The following CMIP variants were observed in gnomAD, a reference collection of about 807,000 sequenced individuals.
The protein encoded by CMIP is c-Maf inducing protein, also known as C-Maf-inducing protein.
CMIP carries 13 observed loss-of-function variants against 97.3 expected under a neutral mutation model. That is an observed-to-expected ratio of 0.13 (90% CI 0.09 to 0.21). The LOEUF (loss-of-function observed/expected upper bound fraction) is 0.21. Ranked by LOEUF, CMIP falls within the 10% of genes least tolerant of loss-of-function variation. The pLI is 1.00. For missense variants in CMIP, 847 were observed against 1,024.9 expected, an observed-to-expected ratio of 0.83 and a Z score of 2.37; for synonymous variants, 538 against 436.3, an observed-to-expected ratio of 1.23 and a Z score of -2.91.
intron 4 of CMIP, among the ~76,000 whole-genome samples, chr16:81,654,419 C>G (rs1420554026): frequency 6.6e-6 from 1 of 152,164 alleles, no homozygotes; most frequent in Admixed American, 6.5e-5. Context: ...GTAAAAATCT[C>G]AAAGGCAGCT....
intron 1 of CMIP, among the ~76,000 whole-genome samples, chr16:81,604,483 A>C (rs940557290): frequency 9.2e-5 from 14 of 151,588 alleles, no homozygotes; most frequent in African/African-American, 3.2e-4. Flanking sequence ...GTGGATCACA[A>C]GGTCAGGAGT....
At chr16:81,538,298 G>T (rs2090384923) in intron 1 of CMIP, among the ~76,000 whole-genome samples, 1 of 152,168 alleles carries the variant, frequency 6.6e-6, no homozygotes, top group Non-Finnish European at 1.5e-5. Flanking sequence ...TAAGACATAG[G>T]CGGCCCCCGG....
Position 81,671,892 on chromosome 16 carries a change from C to G in CMIP, c.930-74C>G, listed in dbSNP as rs1371922942. 3.0e-5 allele frequency: 22 copies of G among 730,780 alleles called. No individual in the cohort carries two copies. In the East Asian group the frequency reaches 6.0e-4, roughly 20 times the overall value. 45.3% of individuals were successfully genotyped at this position (730,780 alleles called of 1,614,324 possible). A position where few individuals can be genotyped will look rare whatever the true frequency, so the allele number is the denominator to read the frequency against. The stretch of plus-strand genomic sequence containing the variant: ...CAGCCCCGTGCCTGAGCAACGCCCT[C>G]CCTTTCCCCCCTTACCCTGTCCATG... On this transcript the variant is annotated intron_variant, in intron 8 of 20. Coordinates refer to ENST00000537098, the MANE Select transcript of CMIP (RefSeq NM_198390.3).
At chr16:81,604,575 C>T (rs534481975) in intron 1 of CMIP, among the ~76,000 whole-genome samples, 3 of 152,128 alleles carry the variant, frequency 2.0e-5, no homozygotes, top group South Asian at 4.2e-4. Context: ...GTGGCAGGCG[C>T]CTGTAATCTC....
At chr16:81,585,426 A>G (rs1483941854) in intron 1 of CMIP, among the ~76,000 whole-genome samples, 3 of 152,230 alleles carry the variant, frequency 2.0e-5, no homozygotes, top group Non-Finnish European at 4.4e-5. Flanking sequence ...CTAGTTCCAC[A>G]ATATTCTCAT....
chr16:81,528,943 G>T (rs1268262437), intron 1 of CMIP, among the ~76,000 whole-genome samples: 4 of 151,864 alleles, frequency 2.6e-5, no homozygotes, highest in African/African-American at 9.7e-5. Context: ...ACCAGTCCAT[G>T]CACCCACCCG....
At chr16:81,566,154 T>C (rs774979512) in intron 1 of CMIP, among the ~76,000 whole-genome samples, 12 of 152,186 alleles carry the variant, frequency 7.9e-5, no homozygotes, top group Non-Finnish European at 1.8e-4. Context: ...TGCTTCAGAT[T>C]GGAGGCTGCC....
At position 81,554,327 on chromosome 16, in the gene CMIP, G is replaced by T. The variant is rs375121584; in HGVS notation, c.301-53240G>T. Among the ~76,000 whole-genome samples, 34 of 152,336 alleles carry T rather than the reference G, an allele frequency of 2.2e-4. 1 individual carries two copies. Among genetic ancestry groups the T allele is most frequent in the Middle Eastern group, 6.8e-3 (2 of 294 alleles). On this transcript the variant is annotated intron_variant, in intron 1 of 20. Coordinates refer to ENST00000537098, the MANE Select transcript of CMIP (RefSeq NM_198390.3). ...TATTCTCTATCTGAGCTCATTTAAT[G>T]CAAGGAGAAGCTAAGGAGCAGAAAG...
chr16:81,576,757 G>C (rs2091196249), intron 1 of CMIP, among the ~76,000 whole-genome samples: 1 of 152,176 alleles, frequency 6.6e-6, no homozygotes, highest in Non-Finnish European at 1.5e-5. Flanking sequence ...ATCCAGGTGT[G>C]AGTCCCACTC....
At chr16:81,583,087 G>T (rs2091323276) in intron 1 of CMIP, among the ~76,000 whole-genome samples, 2 of 152,246 alleles carry the variant, frequency 1.3e-5, no homozygotes, top group South Asian at 2.1e-4. Context: ...AAAGGGCCTT[G>T]GCACTCAGAG....
intron 1 of CMIP, among the ~76,000 whole-genome samples, chr16:81,479,732 A>G (rs1286810925): frequency 3.9e-5 from 6 of 152,204 alleles, no homozygotes; most frequent in South Asian, 4.1e-4. Context: ...ACCTCTGTCT[A>G]GTTCCAAAAC....
chr16:81,591,588 T>G (rs1202418359), intron 1 of CMIP, among the ~76,000 whole-genome samples: 3 of 152,150 alleles, frequency 2.0e-5, no homozygotes, highest in African/African-American at 4.8e-5. Context: ...GTGCATCTGC[T>G]GTGTGATTGC....
chr16:81,683,034 A>G (rs1905028922), intron 10 of CMIP, among the ~76,000 whole-genome samples: 2 of 152,136 alleles, frequency 1.3e-5, no homozygotes, highest in African/African-American at 2.4e-5. Flanking sequence ...TATGATTCAC[A>G]CCTTCATTTA....
At chr16:81,626,262 CGA>C (rs1319232416) in intron 3 of CMIP, among the ~76,000 whole-genome samples, 1 of 150,376 alleles carries the variant, frequency 6.6e-6, no homozygotes, top group Non-Finnish European at 1.5e-5. Context: ...TGTGTGAGAG[CGA>C]GAGTGACTGA....
At chr16:81,658,382 C>T (rs1401704425) in intron 5 of CMIP, among the ~76,000 whole-genome samples, 2 of 152,236 alleles carry the variant, frequency 1.3e-5, no homozygotes, top group Non-Finnish European at 2.9e-5. Flanking sequence ...TGGTAAGCAC[C>T]ATGCTATGTA....
chr16:81,669,007 A>G (rs1439922032), intron 7 of CMIP, among the ~76,000 whole-genome samples: 1 of 103,994 alleles, frequency 9.6e-6, no homozygotes, highest in Non-Finnish European at 2.0e-5. Context: ...CTCCTTCCAC[A>G]CCCACCTCAC....
intron 1 of CMIP, among the ~76,000 whole-genome samples, chr16:81,465,072 C>T (rs778959570): frequency 6.6e-6 from 1 of 152,118 alleles, no homozygotes; most frequent in African/African-American, 2.4e-5. Flanking sequence ...TATACATCTA[C>T]GAGCGGACAT....
intron 1 of CMIP, among the ~76,000 whole-genome samples, chr16:81,558,824 C>T (rs915491106): frequency 4.6e-5 from 7 of 152,216 alleles, no homozygotes; most frequent in African/African-American, 1.7e-4. Flanking sequence ...AGTGGCTGCG[C>T]ACAGTAGGCC....
At chr16:81,629,134 T>TAAAAAAAAA (rs10533097) in intron 3 of CMIP, among the ~76,000 whole-genome samples, 3 of 45,684 alleles carry the variant, frequency 6.6e-5, no homozygotes, top group Non-Finnish European at 8.0e-5. Context: ...AAACTGTGCT[T>TAAAAAAAAA]AAAAAAAAAA....
Sources: gnomAD v4.1 joint callset for allele counts (sites outside exome capture counted in the v4.1 genomes callset) on GRCh38, gnomAD v4.1.1 for gene constraint, MANE v1.5 for transcripts, NCBI Gene and HGNC (gene_info 2026-07-23, HGNC 2026-07-21) for gene names.